Variants in LANCL3 observed in about 807,000 individuals in gnomAD.
LANCL3 encodes the protein LanC like family member 3.
A neutral mutation model predicts 26.5 loss-of-function variants in LANCL3; 19 were observed. The observed-to-expected ratio is 0.72, with a 90% CI of 0.50 to 1.05. The LOEUF is 1.05. Among genes scored for constraint, LANCL3 ranks in the 50% least tolerant of loss-of-function variants. LANCL3 has a pLI of 0.00. For missense variants in LANCL3, 318 were observed against 362.7 expected, an observed-to-expected ratio of 0.88 and a Z score of 1.00; for synonymous variants, 160 against 166.6, an observed-to-expected ratio of 0.96 and a Z score of 0.30.
chrX:37,659,691 C>T (rs1337314569), intron 3 of LANCL3, 32 bp downstream of exon 3: 4 of 1,161,232 alleles, frequency 3.4e-6, no homozygotes, highest in African/African-American at 3.6e-5. Context: ...AAAAATATTG[C>T]CTTTCATCTA....
chrX:37,653,012 T>C (rs1926194516), intron 1 of LANCL3, among the ~76,000 whole-genome samples: 1 of 111,639 alleles, frequency 9.0e-6, no homozygotes, highest in Non-Finnish European at 1.9e-5. Flanking sequence ...GTAGGTCTTG[T>C]CTGTTCCCAG....
intron 3 of LANCL3, 138 bp downstream of exon 3, chrX:37,659,797 A>G: frequency 1.9e-6 from 1 of 513,357 alleles, no homozygotes; most frequent in Non-Finnish European, 3.2e-6. Flanking sequence ...AGATTTTTCA[A>G]AGCCAAATGT....
chrX:37,672,403 G>A (rs781917507), intron 4 of LANCL3, among the ~76,000 whole-genome samples: 21 of 112,101 alleles, frequency 1.9e-4, no homozygotes, highest in East Asian at 2.8e-4. Flanking sequence ...TCTCTGAAAC[G>A]GAATGTGTAG....
intron 2 of LANCL3, among the ~76,000 whole-genome samples, chrX:37,656,314 A>G (rs1926283143): frequency 2.7e-5 from 3 of 110,502 alleles, no homozygotes; most frequent in Admixed American, 1.9e-4. Context: ...ATTACTACTG[A>G]GCAAGATTTG....
chrX:37,575,437 C>T (rs1243411693), intron 1 of LANCL3, among the ~76,000 whole-genome samples: 1 of 111,386 alleles, frequency 9.0e-6, no homozygotes, highest in African/African-American at 3.3e-5. Context: ...TTTTTAGATG[C>T]CCAGCTTTGT....
intron 1 of LANCL3, among the ~76,000 whole-genome samples, chrX:37,647,278 C>T (rs1428618964): frequency 9.1e-6 from 1 of 109,490 alleles, no homozygotes; most frequent in East Asian, 2.9e-4. Context: ...CATGCCACTG[C>T]ACTCCAGCCT....
At chrX:37,610,528 C>CT (rs1401453443) in intron 1 of LANCL3, among the ~76,000 whole-genome samples, 1 of 111,193 alleles carries the variant, frequency 9.0e-6, no homozygotes, top group African/African-American at 3.3e-5. Flanking sequence ...AAAGAGATGG[C>CT]TCAGTGTTTC....
chrX:37,648,741 C>T (rs1556427847), intron 1 of LANCL3, among the ~76,000 whole-genome samples: 1 of 111,687 alleles, frequency 9.0e-6, no homozygotes, highest in African/African-American at 3.3e-5. Context: ...CCAGAATTTA[C>T]AAGGAACTTA....
intron 1 of LANCL3, among the ~76,000 whole-genome samples, chrX:37,635,671 G>A (rs941639372): frequency 2.7e-5 from 3 of 110,168 alleles, no homozygotes; most frequent in Non-Finnish European, 3.8e-5. Context: ...AGAGGATTTC[G>A]AACATTCCCA....
chrX:37,605,256 T>A (rs1385669741), intron 1 of LANCL3, among the ~76,000 whole-genome samples: 2 of 111,919 alleles, frequency 1.8e-5, no homozygotes. Context: ...CTATTTGTTG[T>A]TCTTTTGAAA....
chrX:37,679,547 A>G lies in LANCL3; in HGVS notation c.*3734A>G, dbSNP rs1417036844. On this transcript the variant is annotated 3_prime_UTR_variant, in exon 5 of 5. Coordinates refer to ENST00000378619, the MANE Select transcript of LANCL3 (RefSeq NM_001170331.2). ...AGGCAAGCCAGGTCTGTAGAGAGAA[A>G]ATGAACTGGAAAATAAAGTAATTCT... 1 of 111,940 alleles carries G rather than the reference A, an allele frequency of 8.9e-6. No homozygotes were observed. The highest frequency in any genetic ancestry group is 1.9e-5 in the Non-Finnish European group (1 of 53,217). The allele number at this position is 111,940 out of a possible 1,213,427, so 9.2% of individuals were successfully genotyped here. A position where few individuals can be genotyped will look rare whatever the true frequency, so the allele number is the denominator to read the frequency against.
chrX:37,572,508 C>T, intron 1 of LANCL3, 65 bp downstream of exon 1: 1 of 989,680 alleles, frequency 1.0e-6, no homozygotes, highest in East Asian at 3.3e-5. Flanking sequence ...CCCCGGACTC[C>T]GTGGCTCGGG....
At chrX:37,661,843 A>G (rs1180499509) in intron 3 of LANCL3, among the ~76,000 whole-genome samples, 3 of 112,366 alleles carry the variant, frequency 2.7e-5, no homozygotes, top group East Asian at 2.8e-4. Flanking sequence ...ATCTGTTCCT[A>G]TAATTGTTTC....
chrX:37,647,494 A>C (rs782675284), intron 1 of LANCL3, among the ~76,000 whole-genome samples: 25 of 112,420 alleles, frequency 2.2e-4, no homozygotes, highest in African/African-American at 8.1e-4. Flanking sequence ...TTCTTTCTCT[A>C]GGCAGAAGCC....
At chrX:37,598,682 G>A (rs1556419716) in intron 1 of LANCL3, among the ~76,000 whole-genome samples, 2 of 112,313 alleles carry the variant, frequency 1.8e-5, no homozygotes, top group African/African-American at 3.2e-5. Flanking sequence ...AGCAAGATAC[G>A]TTCATTAAGA....
chrX:37,646,972 G>C (rs1156426553), intron 1 of LANCL3, among the ~76,000 whole-genome samples: 1 of 111,453 alleles, frequency 9.0e-6, no homozygotes, highest in Non-Finnish European at 1.9e-5. Flanking sequence ...AGTTTATTCG[G>C]AACTATCCTT....
At chrX:37,659,203 G>A (rs911218245) in intron 2 of LANCL3, among the ~76,000 whole-genome samples, 13 of 112,637 alleles carry the variant, frequency 1.2e-4, no homozygotes, top group African/African-American at 3.2e-4. Flanking sequence ...CCAGAAAGCA[G>A]CAATAGAAAA....
intron 1 of LANCL3, among the ~76,000 whole-genome samples, chrX:37,608,443 C>G (rs1556420778): frequency 9.0e-6 from 1 of 111,293 alleles, no homozygotes; most frequent in East Asian, 2.8e-4. Flanking sequence ...CCAGTGATCA[C>G]ACTGAGAACC....
At chrX:37,595,312 C>T (rs1556419397) in intron 1 of LANCL3, among the ~76,000 whole-genome samples, 1 of 112,002 alleles carries the variant, frequency 8.9e-6, no homozygotes, top group African/African-American at 3.2e-5. Flanking sequence ...CAAATAACCC[C>T]CTTTGAGGCT....
Sources: allele counts gnomAD v4.1 joint callset (sites outside exome capture counted in the v4.1 genomes callset), GRCh38; gene constraint gnomAD v4.1.1; transcripts MANE v1.5; gene names NCBI Gene and HGNC (gene_info 2026-07-23, HGNC 2026-07-21).